Variants in PGM1 observed in about 807,000 individuals in gnomAD.
PGM1 encodes phosphoglucomutase 1, also known as phosphoglucomutase-1.
PGM1 carries 52 observed loss-of-function variants against 55.6 expected under a neutral mutation model. That is an observed-to-expected ratio of 0.94 (90% CI 0.75 to 1.18). PGM1 has a LOEUF of 1.18. Among genes scored for constraint, PGM1 ranks in the 50% most tolerant of loss-of-function variants. The probability of loss-of-function intolerance (pLI) is 0.00; values close to 1 mark genes in which losing one functional copy is unlikely to be tolerated. For missense variants in PGM1, 724 were observed against 729.3 expected, an observed-to-expected ratio of 0.99 and a Z score of 0.08; for synonymous variants, 287 against 271.7, an observed-to-expected ratio of 1.06 and a Z score of -0.55.
chr1:63,641,524 G>C (rs1246564282), intron 7 of PGM1, among the ~76,000 whole-genome samples: 1 of 152,174 alleles, frequency 6.6e-6, no homozygotes, highest in East Asian at 1.9e-4. Flanking sequence ...GTGACTCTAT[G>C]AACTTTGAAA....
chr1:63,634,051 A>C (rs1649295469), intron 4 of PGM1, among the ~76,000 whole-genome samples: 1 of 147,752 alleles, frequency 6.8e-6, no homozygotes, highest in African/African-American at 2.5e-5. Flanking sequence ...CAAAGTACTG[A>C]AATTACAGGT....
intron 1 of PGM1, among the ~76,000 whole-genome samples, chr1:63,611,200 A>G (rs1486813753): frequency 6.6e-6 from 1 of 152,116 alleles, no homozygotes; most frequent in African/African-American, 2.4e-5. Context: ...GGGAACACGC[A>G]GGGGTGGTCA....
chr1:63,626,638 A>G (rs547049170), intron 1 of PGM1, among the ~76,000 whole-genome samples: 2 of 152,132 alleles, frequency 1.3e-5, no homozygotes, highest in East Asian at 3.9e-4. Flanking sequence ...ATTATCCTAT[A>G]TATGTCCTTC....
At position 63,659,770 on chromosome 1, in the gene PGM1, C is replaced by G. The variant is rs1184188539; in HGVS notation, c.*95C>G. The G allele has an allele frequency of 6.5e-6, 6 of 929,940 alleles. No individual in the cohort carries two copies. The highest frequency in any genetic ancestry group is 1.1e-5 in the Non-Finnish European group (6 of 568,750). 57.6% of individuals were successfully genotyped at this position (929,940 alleles called of 1,614,324 possible). A position where few individuals can be genotyped will look rare whatever the true frequency, so the allele number is the denominator to read the frequency against. ...ACAGAAACAAAATGTATTCACCAAG[C>G]ATTTTAGGATTTGACTTTTTCACTA... On this transcript the variant is annotated 3_prime_UTR_variant, in exon 11 of 11. Coordinates refer to ENST00000371084, the MANE Select transcript of PGM1 (RefSeq NM_002633.3).
intron 1 of PGM1, among the ~76,000 whole-genome samples, chr1:63,598,494 C>T (rs1336311796): frequency 2.6e-5 from 4 of 151,990 alleles, no homozygotes; most frequent in African/African-American, 9.7e-5. Flanking sequence ...TCTGCAATCT[C>T]AGTATTTTGA....
intron 1 of PGM1, among the ~76,000 whole-genome samples, chr1:63,611,978 G>A (rs1263455304): frequency 1.3e-5 from 2 of 152,152 alleles, no homozygotes; most frequent in East Asian, 1.9e-4. Context: ...GGAGCTGGAC[G>A]TGGTGGCTCA....
At chr1:63,600,408 A>G (rs1648209574) in intron 1 of PGM1, among the ~76,000 whole-genome samples, 1 of 152,134 alleles carries the variant, frequency 6.6e-6, no homozygotes, top group African/African-American at 2.4e-5. Flanking sequence ...AGAGTGCTCT[A>G]CTGTTTTGGA....
chr1:63,654,782 TA>T (rs1453545939), intron 10 of PGM1, among the ~76,000 whole-genome samples: 1 of 151,882 alleles, frequency 6.6e-6, no homozygotes, highest in Non-Finnish European at 1.5e-5. Context: ...TAATTAAAAA[TA>T]AAAAATTTTC....
At chr1:63,599,759 C>A (rs1014850252) in intron 1 of PGM1, among the ~76,000 whole-genome samples, 1 of 152,062 alleles carries the variant, frequency 6.6e-6, no homozygotes, top group South Asian at 2.1e-4. Flanking sequence ...CCACTGCACT[C>A]CAGCCTTGGC....
chr1:63,595,117 C>A (rs1648021874), intron 1 of PGM1, among the ~76,000 whole-genome samples: 1 of 152,072 alleles, frequency 6.6e-6, no homozygotes, highest in Non-Finnish European at 1.5e-5. Flanking sequence ...GAACGCATCC[C>A]CTGAAATGGA....
rs1233225309 is a variant in PGM1 at position 63,593,678 on chromosome 1, C to T, written c.190C>T (p.Arg64Trp). Reference sequence around the variant, plus strand: ...CACGCTGGTGGTGGGCGGGGACGGCCGGTTCTACATGAAGGAGGCCATCCA... The same window carrying T: ...CACGCTGGTGGTGGGCGGGGACGGCTGGTTCTACATGAAGGAGGCCATCCA... ...EATLVVGGDG[R>W]FYMKEAIQLI... Residue 64 changes from arginine (R) to tryptophan (W), a missense_variant, in exon 1 of 11, where the codon CGG becomes TGG. Physicochemically the swap from Arg to Trp is moderately radical, Grantham distance 101. This residue lies in a region of PGM1 where 379 missense variants were observed against 357.5 expected (regional missense o/e 1.06). Coordinates refer to ENST00000371084, the MANE Select transcript of PGM1 (RefSeq NM_002633.3). 2 of 1,606,158 alleles carry T rather than the reference C, an allele frequency of 1.2e-6. No individual in the cohort carries two copies. The highest frequency in any genetic ancestry group is 1.7e-5 in the Admixed American group (1 of 59,142).
intron 1 of PGM1, chr1:63,623,833 T>A: frequency 9.6e-7 from 1 of 1,037,210 alleles, no homozygotes; most frequent in Non-Finnish European, 1.4e-6. Context: ...TATACAAACG[T>A]ACAAGGATTT....
intron 9 of PGM1, among the ~76,000 whole-genome samples, chr1:63,652,363 C>T (rs1031288781): frequency 1.3e-5 from 2 of 152,166 alleles, no homozygotes; most frequent in Non-Finnish European, 2.9e-5. Flanking sequence ...CATCGTCATT[C>T]GCAGCACATG....
chr1:63,640,686 C>T (rs1649492336), intron 7 of PGM1, among the ~76,000 whole-genome samples: 1 of 152,212 alleles, frequency 6.6e-6, no homozygotes, highest in South Asian at 2.1e-4. Context: ...GGCCTGAAGA[C>T]AGGATAGCAC....
At chr1:63,595,006 T>C (rs575819872) in intron 1 of PGM1, among the ~76,000 whole-genome samples, 3 of 150,746 alleles carry the variant, frequency 2.0e-5, no homozygotes, top group Non-Finnish European at 4.4e-5. Flanking sequence ...AAGTTGGGGC[T>C]AATTATTCAC....
At position 63,651,869 on chromosome 1, in the gene PGM1, G is replaced by A. The variant is rs764701200; in HGVS notation, c.1464+17G>A. 1.4e-5 allele frequency: 22 copies of A among 1,606,448 alleles called. No homozygotes were observed. Among genetic ancestry groups the A allele is most frequent in the Non-Finnish European group, 1.8e-5 (21 of 1,173,222 alleles). Reference sequence around the variant, plus strand: ...AGAAATCAGGTAGAAACAGACCGGTGTGTAAGTGAGAGAGAGACCTCAGAG... The same window carrying A: ...AGAAATCAGGTAGAAACAGACCGGTATGTAAGTGAGAGAGAGACCTCAGAG... On this transcript the variant is annotated intron_variant, in intron 9 of 10. Coordinates refer to ENST00000371084, the MANE Select transcript of PGM1 (RefSeq NM_002633.3).
chr1:63,659,774 T>C lies in PGM1; in HGVS notation c.*99T>C. The C allele has an allele frequency of 1.1e-6, 1 of 916,154 alleles. No individual in the cohort carries two copies. Among genetic ancestry groups the C allele is most frequent in the Non-Finnish European group, 1.8e-6 (1 of 557,994 alleles). The allele number at this position is 916,154 out of a possible 1,614,324, so 56.8% of individuals were successfully genotyped here. On this transcript the variant is annotated 3_prime_UTR_variant, in exon 11 of 11. Coordinates refer to ENST00000371084, the MANE Select transcript of PGM1 (RefSeq NM_002633.3). Reference sequence around the variant, plus strand: ...AAACAAAATGTATTCACCAAGCATTTTAGGATTTGACTTTTTCACTAACCA... The same window carrying C: ...AAACAAAATGTATTCACCAAGCATTCTAGGATTTGACTTTTTCACTAACCA...
intron 1 of PGM1, among the ~76,000 whole-genome samples, chr1:63,602,518 A>G (rs1246219087): frequency 6.6e-6 from 1 of 152,214 alleles, no homozygotes; most frequent in African/African-American, 2.4e-5. Context: ...TTTTCTAACC[A>G]GGTCACCACA....
chr1:63,641,391 T>C (rs974412551), intron 7 of PGM1, among the ~76,000 whole-genome samples: 17 of 152,254 alleles, frequency 1.1e-4, no homozygotes, highest in Admixed American at 1.0e-3. Flanking sequence ...CGAGTGCAGC[T>C]GGGCTTATTT....
Sources: allele counts gnomAD v4.1 joint callset (sites outside exome capture counted in the v4.1 genomes callset), GRCh38; gene constraint gnomAD v4.1.1; regional missense constraint gnomAD v4.1.1; transcripts MANE v1.5; gene names NCBI Gene and HGNC (gene_info 2026-07-23, HGNC 2026-07-21).